The following XYLT1 variants were observed in gnomAD, a reference collection of about 807,000 sequenced individuals.
XYLT1 encodes the protein xylosyltransferase 1.
XYLT1 carries 36 observed loss-of-function variants against 91.3 expected under a neutral mutation model. The ratio of observed to expected loss-of-function variants is 0.39; its 90% CI spans 0.30 to 0.52. The LOEUF is 0.52. Among genes scored for constraint, XYLT1 ranks in the 20% least tolerant of loss-of-function variants. The pLI, the probability that XYLT1 is intolerant of heterozygous loss-of-function variation, is 0.68. For missense variants in XYLT1, 1,242 were observed against 1,284.5 expected (o/e 0.97, Z 0.51); for synonymous variants, 588 against 532.0 (o/e 1.11, Z -1.45).
At chr16:17,320,986 C>T in intron 2 of XYLT1, among the ~76,000 whole-genome samples, 1 of 152,052 alleles carries the variant, frequency 6.6e-6, no homozygotes, top group Non-Finnish European at 1.5e-5. Flanking sequence ...AGGTGGAGCC[C>T]TGTCCCTACC....
intron 1 of XYLT1, among the ~76,000 whole-genome samples, chr16:17,422,136 C>A: frequency 6.6e-6 from 1 of 152,128 alleles, no homozygotes; most frequent in South Asian, 2.1e-4. Flanking sequence ...ATGCCCACCA[C>A]CACACCCGGC....
intron 5 of XYLT1, among the ~76,000 whole-genome samples, chr16:17,196,749 A>G (rs2141585341): frequency 6.6e-6 from 1 of 152,202 alleles, no homozygotes; most frequent in South Asian, 2.1e-4. Context: ...TGGAAAACAC[A>G]GTCAAAGGAA....
intron 2 of XYLT1, among the ~76,000 whole-genome samples, chr16:17,321,445 C>T (rs573170835): frequency 1.3e-4 from 16 of 127,546 alleles, no homozygotes; most frequent in African/African-American, 3.8e-4. Flanking sequence ...GCAGCCTTGA[C>T]TTCTTTGGTT....
chr16:17,355,379 C>T (rs61742820), intron 2 of XYLT1: 72 of 152,268 alleles, frequency 4.7e-4, no homozygotes, highest in African/African-American at 1.7e-3. Flanking sequence ...CACAGATGTT[C>T]GCCCATGGGT....
chr16:17,128,953 C>T (rs1156680924), intron 9 of XYLT1, among the ~76,000 whole-genome samples: 1 of 151,854 alleles, frequency 6.6e-6, no homozygotes, highest in East Asian at 1.9e-4. Context: ...TCCCTCTGGT[C>T]CTGATCTGGA....
intron 6 of XYLT1, among the ~76,000 whole-genome samples, chr16:17,155,990 A>G (rs1207988263): frequency 1.3e-5 from 2 of 152,234 alleles, no homozygotes; most frequent in Admixed American, 1.3e-4. Context: ...TAACAATGAC[A>G]TAATCATCAC....
intron 6 of XYLT1, among the ~76,000 whole-genome samples, chr16:17,149,414 C>T (rs1219371384): frequency 1.3e-5 from 2 of 151,960 alleles, no homozygotes; most frequent in Non-Finnish European, 2.9e-5. Context: ...AATGAAAGTA[C>T]AAATGATACA....
chr16:17,120,306 G>T (rs897575726), intron 10 of XYLT1, among the ~76,000 whole-genome samples: 1 of 119,220 alleles, frequency 8.4e-6, no homozygotes, highest in Non-Finnish European at 1.9e-5. Flanking sequence ...GCAACTCTTG[G>T]TTTCTAAGTC....
intron 5 of XYLT1, among the ~76,000 whole-genome samples, chr16:17,190,563 C>G (rs1001069184): frequency 6.6e-6 from 1 of 151,106 alleles, no homozygotes; most frequent in Non-Finnish European, 1.5e-5. Context: ...TTTGTCCTTG[C>G]GATAGTTTGC....
intron 11 of XYLT1, among the ~76,000 whole-genome samples, chr16:17,109,902 T>G (rs1966830158): frequency 6.6e-6 from 1 of 152,088 alleles, no homozygotes; most frequent in Non-Finnish European, 1.5e-5. Context: ...TAAGGGTGCA[T>G]GAACTGACCA....
intron 10 of XYLT1, among the ~76,000 whole-genome samples, chr16:17,127,345 G>A (rs2030296012): frequency 6.6e-6 from 1 of 152,148 alleles, no homozygotes; most frequent in African/African-American, 2.4e-5. Context: ...ATCTCTATAA[G>A]CCTCAGTTCT....
chr16:17,170,714 A>G (rs1312608169), intron 5 of XYLT1, among the ~76,000 whole-genome samples: 1 of 152,142 alleles, frequency 6.6e-6, no homozygotes, highest in East Asian at 1.9e-4. Flanking sequence ...CTTTTTCACC[A>G]TTCATCCTGC....
At chr16:17,338,637 T>C (rs1289446163) in intron 2 of XYLT1, 1 of 381,516 alleles carries the variant, frequency 2.6e-6, no homozygotes, top group Non-Finnish European at 5.2e-6. Flanking sequence ...CCCTTTTTTT[T>C]GGGACGGAGT....
intron 10 of XYLT1, among the ~76,000 whole-genome samples, chr16:17,121,976 A>ATG (rs2030073455): frequency 1.3e-5 from 2 of 151,928 alleles, no homozygotes; most frequent in Admixed American, 1.3e-4. Context: ...ATATATATAT[A>ATG]TGCGCACACA....
chr16:17,434,375 C>T (rs986438427), intron 1 of XYLT1, among the ~76,000 whole-genome samples: 18 of 152,252 alleles, frequency 1.2e-4, no homozygotes, highest in Non-Finnish European at 2.1e-4. Flanking sequence ...CTTCTGGCAA[C>T]AGCCAGAGAA....
chr16:17,138,040 G>C (rs983815311), intron 8 of XYLT1, among the ~76,000 whole-genome samples: 3 of 118,438 alleles, frequency 2.5e-5, no homozygotes, highest in Non-Finnish European at 5.0e-5. Context: ...ATAAAGAGAA[G>C]ATGATATGAG....
chr16:17,263,007 A>T (rs935900403), intron 2 of XYLT1, among the ~76,000 whole-genome samples: 1 of 152,132 alleles, frequency 6.6e-6, no homozygotes, highest in African/African-American at 2.4e-5. Flanking sequence ...TTCTGTCCCT[A>T]AGCCCATTTT....
At chr16:17,135,874 T>C (rs549791891) in intron 8 of XYLT1, among the ~76,000 whole-genome samples, 9 of 152,328 alleles carry the variant, frequency 5.9e-5, no homozygotes, top group African/African-American at 2.2e-4. Context: ...AGAGACTAAA[T>C]AAATAGGTAT....
chr16:17,244,008 T>G (rs1033131639), intron 3 of XYLT1, among the ~76,000 whole-genome samples: 1 of 152,160 alleles, frequency 6.6e-6, no homozygotes, highest in African/African-American at 2.4e-5. Context: ...ATCCTTCGTG[T>G]CTACGCTTTA....
Sources: allele counts gnomAD v4.1 joint callset (sites outside exome capture counted in the v4.1 genomes callset), GRCh38; gene constraint gnomAD v4.1.1; transcripts MANE v1.5; gene names NCBI Gene and HGNC (gene_info 2026-07-23, HGNC 2026-07-21).